The following RNF14 variants were observed in gnomAD, a reference collection of about 807,000 sequenced individuals.
The protein encoded by RNF14 is E3 ubiquitin-protein ligase RNF14.
Under a neutral mutation model 52.6 loss-of-function variants are expected in RNF14, and 26 were observed. That is an observed-to-expected ratio of 0.49 (90% CI 0.36 to 0.69). The LOEUF is 0.69. RNF14 is among the 30% of genes least tolerant of loss of function. The probability of loss-of-function intolerance (pLI) is 0.00; values close to 1 mark genes in which losing one functional copy is unlikely to be tolerated. For synonymous variants in RNF14, 194 were observed against 202.0 expected, an observed-to-expected ratio of 0.96 and a Z score of 0.34; for missense variants, 404 against 560.4, an observed-to-expected ratio of 0.72 and a Z score of 2.82.
At chr5:141,981,407 T>A (rs1167152483) in intron 6 of RNF14, among the ~76,000 whole-genome samples, 2 of 152,042 alleles carry the variant, frequency 1.3e-5, no homozygotes, top group Non-Finnish European at 2.9e-5. Flanking sequence ...GAGCCTCAGT[T>A]GAGACTAGCT....
chr5:141,978,569 G>A lies in RNF14; in HGVS notation c.573G>A (p.Val191=), dbSNP rs1418396556. ...EIVDERAVQD[V]ESLSNLIQEI... The stretch of plus-strand genomic sequence containing the variant: ...TGGATGAGAGAGCAGTGCAGGATGT[G>A]GAATCACTGTCAAATCTGATCCAGG... The change falls in exon 5 of 9, where the codon GTG becomes GTA. Residue 191 remains valine (V), a synonymous_variant. Transcript: ENST00000394520. The A allele has an allele frequency of 6.2e-7, 1 of 1,613,964 alleles. No homozygotes were observed. The highest frequency in any genetic ancestry group is 1.3e-5 in the African/African-American group (1 of 74,908).
At chr5:141,956,315 T>C, upstream of RNF14, 3 of 1,614,204 alleles carry the variant, frequency 1.9e-6, no homozygotes, top group East Asian at 6.7e-5. Context: ...TCTCCTGTGT[T>C]GGAGTCAATA....
chr5:141,981,666 C>T (rs978270008), intron 6 of RNF14: 1 of 151,696 alleles, frequency 6.6e-6, no homozygotes, highest in African/African-American at 2.4e-5. Flanking sequence ...GAGTTTGACA[C>T]TATGGCAAAA....
chr5:141,955,657 A>G, upstream of RNF14: 2 of 1,614,126 alleles, frequency 1.2e-6, no homozygotes, highest in Non-Finnish European at 8.5e-7. The surrounding 1 kb of genome is among the most constrained non-coding windows in gnomAD (Gnocchi z 5.5). Flanking sequence ...CAAAGCCAGG[A>G]TCAACCCGAA....
chr5:141,968,309 G>T (rs1753429991), upstream of RNF14, among the ~76,000 whole-genome samples: 1 of 152,120 alleles, frequency 6.6e-6, no homozygotes, highest in Admixed American at 6.5e-5. Context: ...GTTTCACCAT[G>T]TTGGTCAGGC....
At chr5:141,958,162 T>C (rs1753218632), upstream of RNF14, 1 of 332,356 alleles carries the variant, frequency 3.0e-6, no homozygotes, top group Non-Finnish European at 5.5e-6. Flanking sequence ...CCTGACCCAG[T>C]TGAGCAGGAT....
At chr5:141,986,711 C>T (rs1220236226) in intron 8 of RNF14, among the ~76,000 whole-genome samples, 1 of 152,168 alleles carries the variant, frequency 6.6e-6, no homozygotes, top group African/African-American at 2.4e-5. Flanking sequence ...GGTTGGGAAG[C>T]ATAGCCTTCA....
At position 141,990,266 on chromosome 5, in the gene RNF14, T is replaced by C. The variant is rs189444116; in HGVS notation, c.*2476T>C. 2.6e-5 allele frequency: 4 copies of C among 152,318 alleles called. No homozygotes were observed. The highest frequency in any genetic ancestry group is 6.5e-5 in the Admixed American group (1 of 15,292). The allele number at this position is 152,318 out of a possible 1,614,324, so 9.4% of individuals were successfully genotyped here. On this transcript the variant is annotated 3_prime_UTR_variant, in exon 9 of 9. Transcript: ENST00000394520. ...AAGGTTGTGGTGTCAGCAAAATATA[T>C]GATAGAATAAAGAGTTTTGTACCTA...
At chr5:141,950,319 G>A in the RNF14 span, among the ~76,000 whole-genome samples, 18 of 152,268 alleles carry the variant, frequency 1.2e-4, no homozygotes, top group East Asian at 2.7e-3. Flanking sequence ...GTTTTAAGGC[G>A]TAGGAGTCCT....
At chr5:141,977,380 C>T (rs371885845) in intron 4 of RNF14, among the ~76,000 whole-genome samples, 158 of 152,232 alleles carry the variant, frequency 1.0e-3, no homozygotes, top group African/African-American at 3.8e-3. Flanking sequence ...AAATCTGGTC[C>T]CTTTTCATTT....
rs3087 is a variant in RNF14, at chr5:141,987,977, T to C, written c.*187T>C. The C allele has an allele frequency of 5.4e-6, 3 of 559,854 alleles. No individual in the cohort carries two copies. The highest frequency in any genetic ancestry group is 9.5e-6 in the Non-Finnish European group (3 of 315,730). The allele number at this position is 559,854 out of a possible 1,614,324, so 34.7% of individuals were successfully genotyped here. On this transcript the variant is annotated 3_prime_UTR_variant, in exon 9 of 9. Coordinates refer to ENST00000394520, the MANE Select transcript of RNF14 (RefSeq NM_004290.5). ...AGGTGCATTGATACATTTTTAAATG[T>C]AAGTTGAGAAAAATTTATAAGCCAA...
At position 141,983,401 on chromosome 5, in the gene RNF14, A is replaced by C; in HGVS notation, c.1085A>C (p.Asn362Thr). The change falls in exon 7 of 9, where the codon AAT (asparagine) becomes ACT (threonine). Residue 362 changes from asparagine (N) to threonine (T), a missense_variant. Asn to Thr is a moderately conservative substitution (Grantham distance 65). Coordinates refer to ENST00000394520, the MANE Select transcript of RNF14 (RefSeq NM_004290.5). ...GTAGAGAAATTAATGGACTTACGAA[A>C]TGAATACCTGCAAGCGGATGAGGCT... is the stretch of plus-strand genomic sequence containing the variant. ...VTAEKLMDLRNEYLQADEANK... is the reference protein window; with the variant it reads ...VTAEKLMDLRTEYLQADEANK... 6.2e-7 allele frequency: 1 copy of C among 1,612,796 alleles called. No individual in the cohort carries two copies. Among genetic ancestry groups the C allele is most frequent in the Non-Finnish European group, 8.5e-7 (1 of 1,179,668 alleles).
At chr5:141,956,000 A>G, upstream of RNF14, 1 of 1,614,122 alleles carries the variant, frequency 6.2e-7, no homozygotes, top group Middle Eastern at 1.6e-4. The surrounding 1 kb of genome is among the most constrained non-coding windows in gnomAD (Gnocchi z 5.5). Flanking sequence ...ATGGTTGTCA[A>G]AAGGAATGGC....
At chr5:141,949,425 TC>T in the RNF14 span, 1 of 1,608,924 alleles carries the variant, frequency 6.2e-7, no homozygotes, top group Non-Finnish European at 8.5e-7. Flanking sequence ...CTCCAGGGGG[TC>T]CCTACCTGTG....
At position 141,988,063 on chromosome 5, in the gene RNF14, G is replaced by T; in HGVS notation, c.*273G>T. 2.8e-6 allele frequency: 1 copy of T among 358,808 alleles called. No individual in the cohort carries two copies. The highest frequency in any genetic ancestry group is 5.1e-6 in the Non-Finnish European group (1 of 197,274). The allele number at this position is 358,808 out of a possible 1,614,324, so 22.2% of individuals were successfully genotyped here. On this transcript the variant is annotated 3_prime_UTR_variant, in exon 9 of 9. Transcript: ENST00000394520. ...TATAATGTGCCCAAAGCTCTGAATAGTTAAAAATTAAATATTTATTTTCTT... is the reference window on the plus strand; with the variant it reads ...TATAATGTGCCCAAAGCTCTGAATATTTAAAAATTAAATATTTATTTTCTT...
chr5:141,982,772 A>G (rs1180859202), intron 6 of RNF14: 1 of 152,228 alleles, frequency 6.6e-6, no homozygotes, highest in Admixed American at 6.6e-5. Context: ...TTGAAGAGGT[A>G]GTCTTTGCCC....
At chr5:141,964,938 A>T (rs552201462), upstream of RNF14, among the ~76,000 whole-genome samples, 4 of 151,782 alleles carry the variant, frequency 2.6e-5, no homozygotes, top group South Asian at 8.3e-4. Context: ...GAAACCTCTA[A>T]TTTTTTTTAA....
intron 8 of RNF14, among the ~76,000 whole-genome samples, chr5:141,985,604 G>GGAGTGCA (rs1755165033): frequency 6.6e-6 from 1 of 151,976 alleles, no homozygotes; most frequent in African/African-American, 2.4e-5. Context: ...CGCCCAGGCT[G>GGAGTGCA]GAGTGCAGTG....
At chr5:141,976,795 T>C (rs1754305581) in intron 4 of RNF14, among the ~76,000 whole-genome samples, 1 of 47,764 alleles carries the variant, frequency 2.1e-5, no homozygotes, top group Non-Finnish European at 4.2e-5. Flanking sequence ...TTTTTTTTTT[T>C]TTTTTTTTTT....
Sources: allele counts gnomAD v4.1 joint callset (sites outside exome capture counted in the v4.1 genomes callset), GRCh38; gene constraint gnomAD v4.1.1; non-coding constraint Gnocchi (gnomAD v3.1); transcripts MANE v1.5; gene names NCBI Gene and HGNC (gene_info 2026-07-23, HGNC 2026-07-21).